Variants in POLR3C observed in about 807,000 individuals in gnomAD.
POLR3C encodes the protein RNA polymerase III subunit C.
Under a neutral mutation model 65.9 loss-of-function variants are expected in POLR3C, and 44 were observed. The observed-to-expected ratio is 0.67, with a 90% CI of 0.52 to 0.86. POLR3C has a LOEUF of 0.86. Among genes scored for constraint, POLR3C ranks in the 40% least tolerant of loss-of-function variants. The pLI, the probability that POLR3C is intolerant of heterozygous loss-of-function variation, is 0.00. For missense variants in POLR3C, 576 were observed against 653.2 expected, an observed-to-expected ratio of 0.88 and a Z score of 1.29; for synonymous variants, 263 against 231.6, an observed-to-expected ratio of 1.14 and a Z score of -1.23.
chr1:145,827,992 A>G, intron 4 of POLR3C, among the ~76,000 whole-genome samples: 1 of 138,386 alleles, frequency 7.2e-6, no homozygotes. Context: ...TTTAGGCCTC[A>G]TGTTTCTTTG....
In POLR3C at chr1:145,826,902, G is replaced by T. The variant is rs782598529; in HGVS notation, c.486G>T (p.Ser162=). Residue 162 remains serine (S), a synonymous_variant, in exon 4 of 15, where the codon TCG becomes TCT. Transcript: ENST00000334163. ...CACACTTTGTACAACGCTGCCCTTC[G>T]GTACCTACCACTGAGAATTCAGACC... is the stretch of plus-strand genomic sequence containing the variant. The part of the protein sequence containing the change: ...ADTHFVQRCP[S]VPTTENSDPG... The T allele has an allele frequency of 6.2e-7, 1 of 1,613,158 alleles. No individual in the cohort carries two copies. Among genetic ancestry groups the T allele is most frequent in the Admixed American group, 1.7e-5 (1 of 59,670 alleles).
At chr1:145,839,782 AGT>A in intron 11 of POLR3C, 106 bp from the exon 12 acceptor site, 4 of 674,444 alleles carry the variant, frequency 5.9e-6, no homozygotes, top group Non-Finnish European at 1.1e-5. Flanking sequence ...GAAACAGGAA[AGT>A]GTAAGTAAAA....
chr1:145,838,644 G>T (rs1048238646), intron 11 of POLR3C, among the ~76,000 whole-genome samples: 1 of 152,056 alleles, frequency 6.6e-6, no homozygotes, highest in African/African-American at 2.4e-5. Context: ...CCGAGATCAA[G>T]CCACTGCACT....
chr1:145,828,172 G>A (rs1234588524), intron 4 of POLR3C, among the ~76,000 whole-genome samples: 1 of 152,194 alleles, frequency 6.6e-6, no homozygotes, highest in Non-Finnish European at 1.5e-5. Flanking sequence ...CATGAGGTAA[G>A]GTTAGAGACA....
At position 145,826,410 on chromosome 1, in the gene POLR3C, T is replaced by C. The variant is rs782590097; in HGVS notation, c.148-44T>C. ...AAATTGCCAGCAGTAATGAGCTATA[T>C]CTTCAGGTCTTTCCTCTCTTTCTTC... On this transcript the variant is annotated intron_variant, in intron 2 of 14. Coordinates refer to ENST00000334163, the MANE Select transcript of POLR3C (RefSeq NM_006468.8). The C allele has an allele frequency of 1.1e-4, 177 of 1,595,268 alleles. No homozygotes were observed. In the East Asian group the frequency reaches 3.9e-3, roughly 36 times the overall value.
intron 5 of POLR3C, among the ~76,000 whole-genome samples, chr1:145,833,004 G>A (rs752270578): frequency 2.0e-5 from 3 of 152,116 alleles, no homozygotes; most frequent in African/African-American, 7.2e-5. Flanking sequence ...CCTGGGTGAC[G>A]AGCAAAACTC....
At chr1:145,839,840 G>C (rs373658783) in intron 11 of POLR3C, 50 bp from the exon 12 acceptor site, 2 of 1,033,776 alleles carry the variant, frequency 1.9e-6, no homozygotes, top group East Asian at 2.4e-5. Flanking sequence ...TGCTTTGCCA[G>C]TTCTAAAACA....
chr1:145,831,779 C>T (rs1553727259), intron 5 of POLR3C, among the ~76,000 whole-genome samples: 3 of 152,194 alleles, frequency 2.0e-5, no homozygotes, highest in African/African-American at 4.8e-5. Flanking sequence ...CAGTGGCTCA[C>T]ACTTGTAATC....
At chr1:145,827,592 T>C (rs1486522571) in intron 4 of POLR3C, among the ~76,000 whole-genome samples, 2 of 151,846 alleles carry the variant, frequency 1.3e-5, no homozygotes, top group East Asian at 1.9e-4. Flanking sequence ...ACCCCGTCTA[T>C]ACTAAAAATA....
intron 9 of POLR3C, among the ~76,000 whole-genome samples, chr1:145,837,283 G>A (rs1553728993): frequency 6.6e-6 from 1 of 151,990 alleles, no homozygotes; most frequent in African/African-American, 2.4e-5. Flanking sequence ...CTCCAACCTG[G>A]GTGACCCTGT....
At chr1:145,835,166 A>AT (rs1405912957) in intron 7 of POLR3C, among the ~76,000 whole-genome samples, 1 of 149,876 alleles carries the variant, frequency 6.7e-6, no homozygotes, top group Non-Finnish European at 1.5e-5. Flanking sequence ...AAAAAAAAAA[A>AT]GGCCGGACGC....
intron 11 of POLR3C, among the ~76,000 whole-genome samples, chr1:145,839,134 G>A (rs781823152): frequency 1.3e-5 from 2 of 152,216 alleles, no homozygotes. Flanking sequence ...AGCTGGGCGT[G>A]GTGCCGTGTG....
chr1:145,840,801 G>T, intron 13 of POLR3C, 121 bp from the exon 14 acceptor site: 1 of 601,176 alleles, frequency 1.7e-6, no homozygotes, highest in Admixed American at 2.9e-5. Flanking sequence ...GTCCTTAGAA[G>T]GTGACATTAT....
At chr1:145,830,730 C>A (rs1257922666) in intron 5 of POLR3C, among the ~76,000 whole-genome samples, 1 of 151,004 alleles carries the variant, frequency 6.6e-6, no homozygotes, top group African/African-American at 2.4e-5. Context: ...ACCTGGGAGG[C>A]AGGGGTTGCA....
In POLR3C at chr1:145,841,022, A is replaced by G. The variant is rs1553730406; in HGVS notation, c.1474A>G (p.Thr492Ala). ...AQLQEIEEMITAPERQQLETL... is the reference protein window; with the variant it reads ...AQLQEIEEMIAAPERQQLETL... ...GTTACAAGAAATAGAGGAGATGATCACAGCTCCTGAACGTCAGCAGCTAGA... is the reference window on the plus strand; with the variant it reads ...GTTACAAGAAATAGAGGAGATGATCGCAGCTCCTGAACGTCAGCAGCTAGA... Residue 492 changes from threonine (T) to alanine (A), a missense_variant, in exon 14 of 15, where the codon ACA becomes GCA. Transcript: ENST00000334163. 1 of 1,612,222 alleles carries G rather than the reference A, an allele frequency of 6.2e-7. No individual in the cohort carries two copies. The highest frequency in any genetic ancestry group is 8.5e-7 in the Non-Finnish European group (1 of 1,178,264).
In POLR3C at chr1:145,838,083, C is replaced by G. The variant is rs1278059961; in HGVS notation, c.1098C>G (p.Phe366Leu). ...TTGGGTCTCGCTGTGCTAGAATATT[C>G]CGTCTAGTTTTGCAGAAGAAACACA... ...ERFGSRCARI[F>L]RLVLQKKHIE... The change falls in exon 11 of 15, where the codon TTC (phenylalanine) becomes TTG (leucine). Residue 366 changes from phenylalanine to leucine, a missense_variant. Transcript: ENST00000334163. 1 of 1,613,920 alleles carries G rather than the reference C, an allele frequency of 6.2e-7. No homozygotes were observed. The highest frequency in any genetic ancestry group is 2.2e-5 in the East Asian group (1 of 44,898).
chr1:145,837,953 G>A, intron 10 of POLR3C, 103 bp from the exon 11 acceptor site: 1 of 1,023,948 alleles, frequency 9.8e-7, no homozygotes, highest in Non-Finnish European at 1.5e-6. Flanking sequence ...GTTCCTGTCT[G>A]GTACTGGCTT....
intron 11 of POLR3C, among the ~76,000 whole-genome samples, chr1:145,838,954 A>G (rs1335358311): frequency 6.6e-6 from 1 of 152,086 alleles, no homozygotes; most frequent in African/African-American, 2.4e-5. Flanking sequence ...CATCTATAAA[A>G]CAGTGATGGA....
chr1:145,826,756 C>T, intron 3 of POLR3C, 47 bp downstream of exon 3: 2 of 1,610,474 alleles, frequency 1.2e-6, no homozygotes, highest in Non-Finnish European at 1.7e-6. Context: ...GATCAGCTGG[C>T]TATGGGAGTG....
Sources: gnomAD v4.1 joint callset for allele counts (sites outside exome capture counted in the v4.1 genomes callset) on GRCh38, gnomAD v4.1.1 for gene constraint, MANE v1.5 for transcripts, NCBI Gene and HGNC (gene_info 2026-07-23, HGNC 2026-07-21) for gene names.